SEMA3D: variants seen among roughly 807,000 people sequenced by gnomAD.
SEMA3D encodes semaphorin-3D.
A neutral mutation model predicts 100.1 loss-of-function variants in SEMA3D; 84 were observed. The observed-to-expected ratio is 0.84, with a 90% CI of 0.70 to 1.01. SEMA3D has a LOEUF of 1.01. Ranked by LOEUF, SEMA3D falls within the 50% of genes least tolerant of loss-of-function variation. The pLI is 0.00. For missense variants in SEMA3D, 875 were observed against 934.1 expected (o/e 0.94, Z 0.82); for synonymous variants, 312 against 320.7 (o/e 0.97, Z 0.29).
chr7:85,020,243 T>G lies in SEMA3D; in HGVS notation c.1493A>C (p.Gln498Pro). ...TGGACTGAGTCTTACCTTGAATATCTGCAACTCCTCCAGCACTACCTCTTC... is the reference window on the plus strand; with the variant it reads ...TGGACTGAGTCTTACCTTGAATATCGGCAACTCCTCCAGCACTACCTCTTC... ...NMEEVVLEEL[Q>P]IFKHSSIILN... Residue 498 changes from glutamine (Q) to proline (P), a missense_variant, in exon 14 of 19, where the codon CAG becomes CCG. Transcript: ENST00000284136. The G allele has an allele frequency of 6.2e-7, 1 of 1,607,132 alleles. No homozygotes were observed. The highest frequency in any genetic ancestry group is 8.5e-7 in the Non-Finnish European group (1 of 1,174,658).
chr7:85,032,241 T>C (rs1242158156), intron 12 of SEMA3D, among the ~76,000 whole-genome samples: 1 of 152,022 alleles, frequency 6.6e-6, no homozygotes, highest in Non-Finnish European at 1.5e-5. Flanking sequence ...AATGATTTAA[T>C]GTGTAGTGTT....
intron 14 of SEMA3D, 48 bp downstream of exon 14, chr7:85,020,185 T>G (rs1057344319): frequency 8.0e-7 from 1 of 1,245,916 alleles, no homozygotes; most frequent in South Asian, 1.2e-5. Context: ...TAACAAGCGC[T>G]ACTCAGTTTC....
intron 9 of SEMA3D, among the ~76,000 whole-genome samples, chr7:85,044,443 A>G (rs1790950504): frequency 6.6e-6 from 1 of 152,070 alleles, no homozygotes; most frequent in African/African-American, 2.4e-5. Flanking sequence ...AATAATTATT[A>G]TTTTCTTTAT....
chr7:85,151,579 G>C (rs1005079111), intron 2 of SEMA3D: 1 of 907,138 alleles, frequency 1.1e-6, no homozygotes. Flanking sequence ...TAGTTGATGT[G>C]TGTATGCATG....
At chr7:85,178,667 A>G (rs1791308662) in intron 1 of SEMA3D, among the ~76,000 whole-genome samples, 1 of 152,210 alleles carries the variant, frequency 6.6e-6, no homozygotes, top group Admixed American at 6.5e-5. Context: ...ATGTAACAGA[A>G]AAGAAAAACC....
At chr7:85,010,601 T>C (rs1382694279) in intron 17 of SEMA3D, among the ~76,000 whole-genome samples, 2 of 151,780 alleles carry the variant, frequency 1.3e-5, no homozygotes, top group African/African-American at 2.4e-5. Context: ...GAAAATAATA[T>C]AAAAGTGACT....
At chr7:85,201,606 T>A in the SEMA3D span, among the ~76,000 whole-genome samples, 1 of 152,186 alleles carries the variant, frequency 6.6e-6, no homozygotes, top group Non-Finnish European at 1.5e-5. Context: ...TTGTGTGTGC[T>A]CCCTCTTGTT....
the SEMA3D span, among the ~76,000 whole-genome samples, chr7:85,193,213 C>G: frequency 6.6e-6 from 1 of 152,104 alleles, no homozygotes; most frequent in Non-Finnish European, 1.5e-5. Flanking sequence ...ACAAAAATCA[C>G]AGGAACTTTC....
In SEMA3D at chr7:85,118,327, C is replaced by T. The variant is rs1250341346; in HGVS notation, c.151+3414G>A. Reference sequence around the variant, plus strand: ...AATCTTTGTCAGCTAATGTGAACATCTGCATCACTTCAATTTGCCTTCCAT... The same window carrying T: ...AATCTTTGTCAGCTAATGTGAACATTTGCATCACTTCAATTTGCCTTCCAT... On this transcript the variant is annotated intron_variant, in intron 3 of 18. Transcript: ENST00000284136. Among the ~76,000 whole-genome samples, 5 of 151,990 alleles carry T rather than the reference C, an allele frequency of 3.3e-5. No individual in the cohort carries two copies. The East Asian group carries it at 7.7e-4, about 23-fold the overall frequency.
At chr7:85,103,745 GA>G (rs1260397232) in intron 3 of SEMA3D, among the ~76,000 whole-genome samples, 1 of 151,832 alleles carries the variant, frequency 6.6e-6, no homozygotes, top group Non-Finnish European at 1.5e-5. Flanking sequence ...CACAGTTTTG[GA>G]AAAAACTACA....
Position 85,068,185 on chromosome 7 carries a change from T to C in SEMA3D, c.589+6A>G. The stretch of plus-strand genomic sequence containing the variant: ...AAGGATAAGAACTGCCTGTCATTGA[T>C]CTTACCTGTCATTACTGAAGCAAAA... On this transcript the variant is annotated splice_donor_region_variant and intron_variant, in intron 7 of 18. Transcript: ENST00000284136. The C allele has an allele frequency of 2.6e-6, 4 of 1,538,046 alleles. No homozygotes were observed. Among genetic ancestry groups the C allele is most frequent in the Non-Finnish European group, 9.0e-7 (1 of 1,110,896 alleles).
the SEMA3D span, among the ~76,000 whole-genome samples, chr7:85,209,425 T>C: frequency 1.3e-5 from 2 of 151,836 alleles, no homozygotes; most frequent in Admixed American, 6.6e-5. Flanking sequence ...AATTAGGCAA[T>C]TGGGAATCAG....
chr7:85,151,383 A>G (rs1186580302), intron 2 of SEMA3D, among the ~76,000 whole-genome samples: 2 of 151,980 alleles, frequency 1.3e-5, no homozygotes. Context: ...ATTTCTGGAA[A>G]TTTTTCCCAA....
chr7:85,239,534 A>G, the SEMA3D span, among the ~76,000 whole-genome samples: 95 of 152,298 alleles, frequency 6.2e-4, no homozygotes, highest in East Asian at 0.018. Flanking sequence ...AGCACAAATT[A>G]ACTGACACAG....
intron 1 of SEMA3D, among the ~76,000 whole-genome samples, chr7:85,158,045 C>T (rs1014182918): frequency 3.9e-5 from 6 of 152,106 alleles, no homozygotes; most frequent in Admixed American, 2.6e-4. Context: ...CTATCATCTT[C>T]GCAAGCTGAG....
At chr7:85,132,690 A>G (rs1033386256) in intron 2 of SEMA3D, among the ~76,000 whole-genome samples, 1 of 151,988 alleles carries the variant, frequency 6.6e-6, no homozygotes, top group African/African-American at 2.4e-5. Context: ...ATAATTCCAA[A>G]TAACATAATA....
At position 85,154,470 on chromosome 7, in the gene SEMA3D, T is replaced by A. The variant is rs139638608; in HGVS notation, c.-172-731A>T. Among the ~76,000 whole-genome samples the A allele has an allele frequency of 1.2e-3, 185 of 152,124 alleles. 2 individuals are homozygous for A. The highest frequency in any genetic ancestry group is 8.9e-3 in the South Asian group (43 of 4,816). On this transcript the variant is annotated intron_variant, in intron 1 of 18. Transcript: ENST00000284136. Reference sequence around the variant, plus strand: ...GCCTCATGCAAATCCTACCATGTTGTGGGGCGGGGGTTGGGGGATGTCTGT... The same window carrying A: ...GCCTCATGCAAATCCTACCATGTTGAGGGGCGGGGGTTGGGGGATGTCTGT...
intron 17 of SEMA3D, among the ~76,000 whole-genome samples, chr7:85,010,072 A>G (rs1281763617): frequency 6.6e-6 from 1 of 151,830 alleles, no homozygotes; most frequent in African/African-American, 2.4e-5. Context: ...ACATTTAACT[A>G]TAAGATTAAT....
chr7:85,057,637 C>G lies in SEMA3D; in HGVS notation c.719-1778G>C, dbSNP rs140127723. Among the ~76,000 whole-genome samples the G allele has an allele frequency of 7.0e-3, 1,058 of 152,172 alleles. 11 individuals are homozygous for G. Among genetic ancestry groups the G allele is most frequent in the African/African-American group, 0.024 (990 of 41,502 alleles). On this transcript the variant is annotated intron_variant, in intron 8 of 18. Coordinates refer to ENST00000284136, the MANE Select transcript of SEMA3D (RefSeq NM_001384900.1). ...CTTCACAGTAGCCTTCTTTAATAGACAAGTTAATGTTGGGGCTGGGTGTGG... is the reference window on the plus strand; with the variant it reads ...CTTCACAGTAGCCTTCTTTAATAGAGAAGTTAATGTTGGGGCTGGGTGTGG...
Sources: allele counts gnomAD v4.1 joint callset (sites outside exome capture counted in the v4.1 genomes callset), GRCh38; gene constraint gnomAD v4.1.1; transcripts MANE v1.5; gene names NCBI Gene and HGNC (gene_info 2026-07-23, HGNC 2026-07-21).